GPM6A: variants seen among roughly 807,000 people sequenced by gnomAD.
GPM6A encodes the protein glycoprotein M6A.
GPM6A carries 7 observed loss-of-function variants against 32.1 expected under a neutral mutation model. The ratio of observed to expected loss-of-function variants is 0.22; its 90% CI spans 0.12 to 0.41. The LOEUF is 0.41. GPM6A is among the 10% of genes least tolerant of loss of function. GPM6A has a pLI of 1.00. For missense variants in GPM6A, 235 were observed against 347.2 expected, an observed-to-expected ratio of 0.68 and a Z score of 2.57; for synonymous variants, 130 against 123.4, an observed-to-expected ratio of 1.05 and a Z score of -0.35.
chr4:175,941,753 A>G (rs1412910775), intron 1 of GPM6A, among the ~76,000 whole-genome samples: 2 of 152,202 alleles, frequency 1.3e-5, no homozygotes, highest in East Asian at 3.8e-4. Context: ...AATGGTGTAC[A>G]TGTGCCACAT....
chr4:175,965,298 C>T (rs1740299594), intron 1 of GPM6A, among the ~76,000 whole-genome samples: 1 of 150,902 alleles, frequency 6.6e-6, no homozygotes, highest in South Asian at 2.1e-4. Flanking sequence ...GGTACTTAGA[C>T]AAAAATTTAC....
intron 1 of GPM6A, among the ~76,000 whole-genome samples, chr4:175,762,522 A>T (rs1732789502): frequency 6.6e-6 from 1 of 152,152 alleles, no homozygotes; most frequent in Non-Finnish European, 1.5e-5. Flanking sequence ...TATGAAATGT[A>T]TTTAAACTCT....
rs1251992661 is a variant in GPM6A, at chr4:175,698,076, G to A, written c.230+3499C>T. 2.0e-5 allele frequency among the ~76,000 whole-genome samples: 3 copies of A among 152,138 alleles called. No homozygotes were observed. In the East Asian group the frequency reaches 5.8e-4, roughly 29 times the overall value. ...AAGTGTATGTATTTAAGAGAAGGGAGATAGTGGAGAGAGGAAAAGAGAGGG... is the reference window on the plus strand; with the variant it reads ...AAGTGTATGTATTTAAGAGAAGGGAAATAGTGGAGAGAGGAAAAGAGAGGG... On this transcript the variant is annotated intron_variant, in intron 2 of 6. Coordinates refer to ENST00000393658, the MANE Select transcript of GPM6A (RefSeq NM_201591.3).
chr4:175,926,646 A>T (rs1307700426), intron 1 of GPM6A, among the ~76,000 whole-genome samples: 1 of 152,174 alleles, frequency 6.6e-6, no homozygotes, highest in Non-Finnish European at 1.5e-5. Context: ...GTATTTGTAA[A>T]ATATTTTAGC....
At chr4:175,653,178 C>T (rs1257068405) in intron 3 of GPM6A, among the ~76,000 whole-genome samples, 4 of 152,000 alleles carry the variant, frequency 2.6e-5, no homozygotes, top group Admixed American at 6.6e-5. Flanking sequence ...GAATCAATCC[C>T]ATGATAGAAC....
At chr4:175,984,657 T>C (rs926793620) in intron 1 of GPM6A, among the ~76,000 whole-genome samples, 1 of 152,208 alleles carries the variant, frequency 6.6e-6, no homozygotes, top group African/African-American at 2.4e-5. Context: ...TTTTCCTCTA[T>C]ATTTTTAAAA....
At chr4:175,885,626 G>A (rs1459444053) in intron 1 of GPM6A, among the ~76,000 whole-genome samples, 1 of 151,618 alleles carries the variant, frequency 6.6e-6, no homozygotes, top group African/African-American at 2.4e-5. Context: ...GGAACACTCT[G>A]TCTCAAAAAA....
Position 175,964,433 on chromosome 4 carries a change from A to G in GPM6A, c.-23+37876T>C, listed in dbSNP as rs1351202588. Among the ~76,000 whole-genome samples the G allele has an allele frequency of 2.0e-5, 3 of 152,206 alleles. No homozygotes were observed. In the East Asian group the frequency reaches 5.8e-4, roughly 29 times the overall value. On this transcript the variant is annotated intron_variant, in intron 1 of 7. Coordinates refer to the GPM6A transcript ENST00000280187. ...GCTATCATAACAAAGTACCACATTGACTGGGTGGCTTAAACAACAGAAATT... is the reference window on the plus strand; with the variant it reads ...GCTATCATAACAAAGTACCACATTGGCTGGGTGGCTTAAACAACAGAAATT...
intron 1 of GPM6A, among the ~76,000 whole-genome samples, chr4:175,801,782 T>C (rs775749293): frequency 6.6e-6 from 1 of 152,070 alleles, no homozygotes; most frequent in Admixed American, 6.6e-5. Flanking sequence ...TAAAAGAAGA[T>C]AGAGTAGCAG....
At chr4:175,881,683 T>A (rs1737281532) in intron 1 of GPM6A, among the ~76,000 whole-genome samples, 1 of 152,216 alleles carries the variant, frequency 6.6e-6, no homozygotes, top group South Asian at 2.1e-4. Flanking sequence ...GATGAGTTCA[T>A]GTCCTTTTTA....
At chr4:175,772,043 T>C (rs1208585770) in intron 1 of GPM6A, among the ~76,000 whole-genome samples, 1 of 152,208 alleles carries the variant, frequency 6.6e-6, no homozygotes, top group African/African-American at 2.4e-5. Context: ...GCCCCTTCCA[T>C]CATTCTCCTG....
chr4:175,698,989 A>G (rs968524451), intron 2 of GPM6A, among the ~76,000 whole-genome samples: 2 of 152,184 alleles, frequency 1.3e-5, no homozygotes, highest in Non-Finnish European at 2.9e-5. Flanking sequence ...AGATGTACAT[A>G]AGCATCTATT....
At chr4:175,665,717 G>A (rs544788548) in intron 3 of GPM6A, among the ~76,000 whole-genome samples, 10 of 151,356 alleles carry the variant, frequency 6.6e-5, no homozygotes, top group Non-Finnish European at 1.5e-4. Context: ...AGGAGGTGGA[G>A]GTGACAGTGA....
chr4:175,975,259 C>T lies in GPM6A; in HGVS notation c.-23+27050G>A, dbSNP rs140272471. Among the ~76,000 whole-genome samples, 233 of 152,328 alleles carry T rather than the reference C, an allele frequency of 1.5e-3. 2 individuals are homozygous for T. Among genetic ancestry groups the T allele is most frequent in the African/African-American group, 5.4e-3 (224 of 41,570 alleles). Reference sequence around the variant, plus strand: ...TAAAGTTCTTTTCTTCAAAACTCCTCATCAGTAAAAGCAGCTAACATTTTT... The same window carrying T: ...TAAAGTTCTTTTCTTCAAAACTCCTTATCAGTAAAAGCAGCTAACATTTTT... On this transcript the variant is annotated intron_variant, in intron 1 of 7. Transcript: ENST00000280187.
intron 1 of GPM6A, among the ~76,000 whole-genome samples, chr4:175,921,172 CAACTT>C (rs1227116081): frequency 6.6e-6 from 1 of 152,082 alleles, no homozygotes; most frequent in Non-Finnish European, 1.5e-5. Flanking sequence ...TTTATAGTGT[CAACTT>C]AATTATTAAT....
chr4:175,743,872 T>C (rs1332895305), intron 1 of GPM6A, among the ~76,000 whole-genome samples: 1 of 150,990 alleles, frequency 6.6e-6, no homozygotes, highest in Non-Finnish European at 1.5e-5. Context: ...GTATATAATG[T>C]AATAACTATC....
intron 1 of GPM6A, among the ~76,000 whole-genome samples, chr4:175,842,432 G>T (rs1735968088): frequency 6.6e-6 from 1 of 152,058 alleles, no homozygotes; most frequent in Non-Finnish European, 1.5e-5. Context: ...ATGGTAAGTG[G>T]CCATAGGAAA....
intron 1 of GPM6A, among the ~76,000 whole-genome samples, chr4:175,956,423 T>C (rs1739987161): frequency 6.6e-6 from 1 of 152,218 alleles, no homozygotes; most frequent in Non-Finnish European, 1.5e-5. Context: ...ATATCACTAT[T>C]TCTATTTTTA....
At chr4:176,000,434 A>T (rs1741441789) in intron 1 of GPM6A, among the ~76,000 whole-genome samples, 1 of 152,200 alleles carries the variant, frequency 6.6e-6, no homozygotes, top group Admixed American at 6.5e-5. Flanking sequence ...TTAATTATCC[A>T]TGGGCATTGA....
Sources: gnomAD v4.1 joint callset for allele counts (sites outside exome capture counted in the v4.1 genomes callset) on GRCh38, gnomAD v4.1.1 for gene constraint, MANE v1.5 for transcripts, NCBI Gene and HGNC (gene_info 2026-07-23, HGNC 2026-07-21) for gene names.